CTBP2: variants seen among roughly 807,000 people sequenced by gnomAD.
CTBP2 encodes C-terminal binding protein 2, also known as C-terminal-binding protein 2.
CTBP2 carries 30 observed loss-of-function variants against 80.3 expected under a neutral mutation model. That is an observed-to-expected ratio of 0.37 (90% CI 0.28 to 0.51). The LOEUF (loss-of-function observed/expected upper bound fraction) is 0.51. Ranked by LOEUF, CTBP2 falls within the 20% of genes least tolerant of loss-of-function variation. CTBP2 has a pLI of 0.93. For synonymous variants in CTBP2, 594 were observed against 587.4 expected (o/e 1.01, Z -0.16); for missense variants, 1,212 against 1,375.3 (o/e 0.88, Z 1.88).
chr10:125,078,473 G>A (rs1187775257), intron 2 of CTBP2, among the ~76,000 whole-genome samples: 1 of 151,306 alleles, frequency 6.6e-6, no homozygotes, highest in East Asian at 1.9e-4. Flanking sequence ...ACCTCAAACT[G>A]CCTGTTCTGT....
intron 1 of CTBP2, among the ~76,000 whole-genome samples, chr10:125,018,553 C>CAACCAACAAACA (rs71486507): frequency 2.0e-5 from 2 of 99,484 alleles, no homozygotes. Context: ...CCAAACCAAC[C>CAACCAACAAACA]AACAAACAAA....
chr10:125,135,074 G>A (rs937943397), intron 1 of CTBP2, among the ~76,000 whole-genome samples: 3 of 152,216 alleles, frequency 2.0e-5, no homozygotes, highest in East Asian at 1.9e-4. Flanking sequence ...GCCCCCACTC[G>A]CTGCGCTGGG....
intron 1 of CTBP2, among the ~76,000 whole-genome samples, chr10:125,112,657 G>C (rs1488574573): frequency 6.7e-6 from 1 of 149,244 alleles, no homozygotes; most frequent in Non-Finnish European, 1.5e-5. Flanking sequence ...TCAAACTCCT[G>C]ACCTTCTGAT....
chr10:125,063,346 G>A (rs1254441953), intron 2 of CTBP2, among the ~76,000 whole-genome samples: 2 of 152,134 alleles, frequency 1.3e-5, no homozygotes, highest in East Asian at 3.9e-4. Flanking sequence ...CCACATACGT[G>A]TTTTACCCCA....
chr10:125,028,994 TA>T (rs1957921837), upstream of CTBP2, among the ~76,000 whole-genome samples: 1 of 152,196 alleles, frequency 6.6e-6, no homozygotes, highest in Admixed American at 6.5e-5. Flanking sequence ...CATCCCAGAC[TA>T]ACACGGTAGG....
intron 1 of CTBP2, among the ~76,000 whole-genome samples, chr10:125,117,118 C>T (rs1270254807): frequency 6.6e-6 from 1 of 152,246 alleles, no homozygotes; most frequent in Non-Finnish European, 1.5e-5. Flanking sequence ...CTGTGCTCTC[C>T]CACAAGGCGA....
chr10:124,996,369 C>T (rs1953572311), intron 4 of CTBP2: 1 of 152,184 alleles, frequency 6.6e-6, no homozygotes, highest in African/African-American at 2.4e-5. Context: ...GAACCCGAGG[C>T]CAGCAAAAGC....
chr10:125,135,663 G>A (rs969821740), intron 1 of CTBP2, among the ~76,000 whole-genome samples: 1 of 152,050 alleles, frequency 6.6e-6, no homozygotes, highest in African/African-American at 2.4e-5. Context: ...TCACCCTATG[G>A]AGCTCATTCC....
At chr10:125,062,230 C>T (rs967149628) in intron 2 of CTBP2, among the ~76,000 whole-genome samples, 1 of 149,768 alleles carries the variant, frequency 6.7e-6, no homozygotes, top group Non-Finnish European at 1.5e-5. Flanking sequence ...AAAGAGGTGC[C>T]CCTGAATGGG....
chr10:125,005,283 G>T (rs1034628255), intron 1 of CTBP2, among the ~76,000 whole-genome samples: 4 of 152,194 alleles, frequency 2.6e-5, no homozygotes, highest in African/African-American at 7.2e-5. Flanking sequence ...GCCCCGCATG[G>T]CCCCCAAGCT....
chr10:125,138,773 CAG>C (rs975871120), intron 1 of CTBP2, among the ~76,000 whole-genome samples: 1 of 151,918 alleles, frequency 6.6e-6, no homozygotes, highest in Non-Finnish European at 1.5e-5. Flanking sequence ...TCCAGAACTA[CAG>C]AGTTTCACCC....
At chr10:125,111,501 G>C (rs1353112170) in intron 1 of CTBP2, among the ~76,000 whole-genome samples, 2 of 152,166 alleles carry the variant, frequency 1.3e-5, no homozygotes, top group African/African-American at 2.4e-5. Context: ...ATGAGCCCAC[G>C]GTTTATAAGT....
At chr10:125,003,564 CCACTCAT>C in intron 1 of CTBP2, 72 bp from the exon 4 acceptor site, 5 of 1,248,474 alleles carry the variant, frequency 4.0e-6, no homozygotes, top group Non-Finnish European at 4.4e-6. Context: ...GGGCAGCTCC[CCACTCAT>C]CACTCAGGGC....
intron 1 of CTBP2, among the ~76,000 whole-genome samples, chr10:125,148,619 A>AC (rs1859245579): frequency 6.6e-6 from 1 of 152,032 alleles, no homozygotes; most frequent in Non-Finnish European, 1.5e-5. Context: ...TTGAGTCATA[A>AC]CCCCCCTCCC....
At chr10:125,062,789 G>C (rs1286648001) in intron 2 of CTBP2, among the ~76,000 whole-genome samples, 6 of 152,258 alleles carry the variant, frequency 3.9e-5, no homozygotes, top group Non-Finnish European at 5.9e-5. Context: ...CTTGAACCTG[G>C]GAGATGGAGG....
intron 3 of CTBP2, 42 bp downstream of exon 5, chr10:125,002,918 G>A: frequency 6.2e-7 from 1 of 1,606,764 alleles, no homozygotes; most frequent in South Asian, 1.1e-5. Context: ...GGCCCACAGA[G>A]CTCCGGACAA....
At chr10:125,081,091 GACA>G (rs1217301323) in intron 2 of CTBP2, among the ~76,000 whole-genome samples, 2 of 152,148 alleles carry the variant, frequency 1.3e-5, no homozygotes, top group Admixed American at 6.5e-5. Flanking sequence ...CCGCTGTGCT[GACA>G]ACAACAGTGG....
At chr10:125,054,765 T>C (rs1368847784) in intron 2 of CTBP2, among the ~76,000 whole-genome samples, 1 of 152,230 alleles carries the variant, frequency 6.6e-6, no homozygotes, top group Non-Finnish European at 1.5e-5. Flanking sequence ...TAGTTTATAC[T>C]ACCTACAGGA....
At chr10:125,062,498 C>T (rs536082204) in intron 2 of CTBP2, among the ~76,000 whole-genome samples, 6 of 152,168 alleles carry the variant, frequency 3.9e-5, no homozygotes, top group Admixed American at 1.3e-4. Context: ...AGCAGACACC[C>T]GCTGGCAGCA....
Sources: gnomAD v4.1 joint callset for allele counts (sites outside exome capture counted in the v4.1 genomes callset) on GRCh38, gnomAD v4.1.1 for gene constraint, MANE v1.5 for transcripts, NCBI Gene and HGNC (gene_info 2026-07-23, HGNC 2026-07-21) for gene names.